Variants in TOP1MT observed in about 807,000 individuals in gnomAD.
TOP1MT encodes the protein DNA topoisomerase I mitochondrial, also known as DNA topoisomerase I, mitochondrial.
TOP1MT carries 80 observed loss-of-function variants against 73.9 expected under a neutral mutation model. The observed-to-expected ratio is 1.08, with a 90% CI of 0.90 to 1.30. The LOEUF is 1.30. Among genes scored for constraint, TOP1MT ranks in the 50% most tolerant of loss-of-function variants. The pLI, the probability that TOP1MT is intolerant of heterozygous loss-of-function variation, is 0.00. For synonymous variants in TOP1MT, 338 were observed against 326.4 expected (o/e 1.04, Z -0.38); for missense variants, 815 against 808.0 (o/e 1.01, Z -0.10).
Position 143,317,718 on chromosome 8 carries a change from C to T in TOP1MT, c.1330+5G>A. ...GCGCTGAGTGTGGGTGTGGGGCAGGCTCACCGCGCGTCAGGGCCCGCAGCT... is the reference window on the plus strand; with the variant it reads ...GCGCTGAGTGTGGGTGTGGGGCAGGTTCACCGCGCGTCAGGGCCCGCAGCT... On this transcript the variant is annotated splice_donor_5th_base_variant and intron_variant, in intron 10 of 13. Coordinates refer to ENST00000329245, the MANE Select transcript of TOP1MT (RefSeq NM_052963.3). The T allele has an allele frequency of 6.2e-7, 1 of 1,612,416 alleles. No homozygotes were observed. The highest frequency in any genetic ancestry group is 1.3e-5 in the African/African-American group (1 of 75,020).
intron 1 of TOP1MT, among the ~76,000 whole-genome samples, chr8:143,333,036 G>A (rs2130343700): frequency 6.6e-6 from 1 of 152,352 alleles, no homozygotes; most frequent in South Asian, 2.1e-4. Context: ...GGGCTGGTAG[G>A]AGGCTGCACC....
upstream of TOP1MT, among the ~76,000 whole-genome samples, chr8:143,358,421 G>A (rs1248352900): frequency 6.6e-6 from 1 of 152,134 alleles, no homozygotes; most frequent in Non-Finnish European, 1.5e-5. Context: ...AGGACCTACA[G>A]CCCAGACAGC....
upstream of TOP1MT, among the ~76,000 whole-genome samples, chr8:143,335,731 C>G (rs931203897): frequency 3.9e-5 from 6 of 152,252 alleles, no homozygotes; most frequent in Non-Finnish European, 8.8e-5. Flanking sequence ...ACATGCATTC[C>G]GCACTTTCAC....
intron 1 of TOP1MT, among the ~76,000 whole-genome samples, chr8:143,354,471 G>GGGAGGCCC (rs1817373480): frequency 1.3e-5 from 2 of 151,588 alleles, no homozygotes; most frequent in Admixed American, 1.3e-4. Context: ...CCAGCACTAT[G>GGGAGGCCC]GGAGGCTGAG....
intron 7 of TOP1MT, among the ~76,000 whole-genome samples, chr8:143,322,080 A>G (rs1224533973): frequency 1.7e-5 from 2 of 118,650 alleles, no homozygotes; most frequent in African/African-American, 6.7e-5. Context: ...CGCACGCCAC[A>G]CACAGGCATG....
At chr8:143,338,621 T>C (rs1399970012), upstream of TOP1MT, among the ~76,000 whole-genome samples, 2 of 152,174 alleles carry the variant, frequency 1.3e-5, no homozygotes, top group African/African-American at 4.8e-5. Flanking sequence ...AAATAGACAT[T>C]TCTCCAAAGA....
rs753933340 is a variant in TOP1MT at position 143,318,051 on chromosome 8, C to T, written c.1182G>A (p.Lys394=). Residue 394 remains lysine (K), a synonymous_variant, in exon 9 of 14, where the codon AAG becomes AAA. Coordinates refer to ENST00000329245, the MANE Select transcript of TOP1MT (RefSeq NM_052963.3). ...TGTCGAAGAGGTCGTCCCGGGGGTCCTTGTTCTCCATAAAGAGCTGTAAGT... is the reference window on the plus strand; with the variant it reads ...TGTCGAAGAGGTCGTCCCGGGGGTCTTTGTTCTCCATAAAGAGCTGTAAGT... The part of the protein sequence containing the change: ...YKNLQLFMEN[K]DPRDDLFDRL... 13 of 1,614,156 alleles carry T rather than the reference C, an allele frequency of 8.1e-6. No homozygotes were observed. The South Asian group carries it at 8.8e-5, about 11-fold the overall frequency.
At chr8:143,332,388 G>C (rs1816881617) in intron 1 of TOP1MT, 37 of 912,594 alleles carry the variant, frequency 4.1e-5, no homozygotes, top group Non-Finnish European at 5.5e-5. Flanking sequence ...TTTGGCGAGA[G>C]GGTGGGAGCA....
chr8:143,350,754 C>T (rs1004307815), intron 1 of TOP1MT, among the ~76,000 whole-genome samples: 9 of 152,260 alleles, frequency 5.9e-5, no homozygotes, highest in Non-Finnish European at 1.0e-4. Context: ...AAGTCCAATG[C>T]ATCTGAACAG....
rs1026212291 is a variant in TOP1MT at position 143,341,193 on chromosome 8, T to A, written c.29+2027A>T. Among the ~76,000 whole-genome samples, 8 of 152,208 alleles carry A rather than the reference T, an allele frequency of 5.3e-5. No homozygotes were observed. Among genetic ancestry groups the A allele is most frequent in the African/African-American group, 1.9e-4 (8 of 41,514 alleles). ...TCCCCACACGTTTGTCCTGAAGCCC[T>A]TTCTCCCCTTTCTCTTCGGATATTC... On this transcript the variant is annotated intron_variant, in intron 2 of 5. Coordinates refer to the TOP1MT transcript ENST00000518007. This position sits in a 1 kb window ranked among gnomAD's most constrained non-coding sequence, Gnocchi z 4.1.
rs1234912472 is a variant in TOP1MT at position 143,334,845 on chromosome 8, A to G, written c.17T>C (p.Leu6Pro). 2.0e-6 allele frequency: 3 copies of G among 1,498,570 alleles called. No homozygotes were observed. Among genetic ancestry groups the G allele is most frequent in the Non-Finnish European group, 2.6e-6 (3 of 1,141,146 alleles). 92.8% of individuals were successfully genotyped at this position (1,498,570 alleles called of 1,614,324 possible). Residue 6 changes from leucine (L) to proline (P), a missense_variant, in exon 1 of 14, where the codon CTG becomes CCG. By Grantham distance (98) the Leu-to-Pro change is moderately conservative. Around this residue, in one of 3 missense-constraint regions of TOP1MT, gnomAD observed 60 missense variants for 65.9 expected, o/e 0.91. Transcript: ENST00000329245. MRVVRLLRLRAALTLL... is the reference protein window; with the variant it reads MRVVRPLRLRAALTLL... The stretch of plus-strand genomic sequence containing the variant: ...CGTCAGAGCCGCCCGGAGCCGCAGC[A>G]GCCGCACCACGCGCATCTGCCAGCC...
At chr8:143,358,718 GTT>G (rs1817452999), upstream of TOP1MT, 12 of 152,148 alleles carry the variant, frequency 7.9e-5, no homozygotes, top group Non-Finnish European at 1.6e-4. Context: ...CAGCAGGACC[GTT>G]CCACAGAGGT....
intron 7 of TOP1MT, among the ~76,000 whole-genome samples, chr8:143,323,250 G>C (rs181351218): frequency 2.8e-4 from 8 of 28,284 alleles, no homozygotes; most frequent in Admixed American, 1.0e-3. Context: ...CACACACACA[G>C]GCACGCCACA....
At chr8:143,331,842 C>T (rs772544167) in intron 1 of TOP1MT, 14 of 156,952 alleles carry the variant, frequency 8.9e-5, no homozygotes, top group South Asian at 3.7e-4. Flanking sequence ...GCAGGACCGC[C>T]GCCCACAGAG....
chr8:143,333,168 C>A (rs988687011), intron 1 of TOP1MT, among the ~76,000 whole-genome samples: 3 of 152,052 alleles, frequency 2.0e-5, no homozygotes, highest in African/African-American at 7.2e-5. Context: ...TGATAGGAGC[C>A]AGGCGCGGTG....
intron 7 of TOP1MT, among the ~76,000 whole-genome samples, chr8:143,321,608 ACGCACGCCACACG>A (rs1816374173): frequency 8.3e-6 from 1 of 120,278 alleles, no homozygotes; most frequent in South Asian, 2.8e-4. Context: ...CGCCACACGC[ACGCACGCCACACG>A]CACGCCACAC....
Position 143,344,808 on chromosome 8 carries a change from A to C in TOP1MT, c.-39+108T>G, listed in dbSNP as rs1248709840. 1 of 152,436 alleles carries C rather than the reference A, an allele frequency of 6.6e-6. No homozygotes were observed. Among genetic ancestry groups the C allele is most frequent in the Non-Finnish European group, 1.5e-5 (1 of 68,216 alleles). 9.4% of individuals were successfully genotyped at this position (152,436 alleles called of 1,614,324 possible). A position where few individuals can be genotyped will look rare whatever the true frequency, so the allele number is the denominator to read the frequency against. The stretch of plus-strand genomic sequence containing the variant: ...CTAAGGGTGATTAACTGGCAAGGAC[A>C]CCAAACAGCGGAGGAGGAGGGACCT... On this transcript the variant is annotated intron_variant, in intron 1 of 5. Transcript: ENST00000518007. This position sits in a 1 kb window ranked among gnomAD's most constrained non-coding sequence, Gnocchi z 4.6.
intron 13 of TOP1MT, 46 bp downstream of exon 13, chr8:143,310,022 C>T: frequency 1.2e-6 from 2 of 1,602,026 alleles, no homozygotes; most frequent in Non-Finnish European, 1.7e-6. Flanking sequence ...AAAACCCAGG[C>T]CCCCCATAGG....
At chr8:143,321,978 C>T (rs1213077027) in intron 7 of TOP1MT, among the ~76,000 whole-genome samples, 1 of 74,814 alleles carries the variant, frequency 1.3e-5, no homozygotes, top group Non-Finnish European at 2.8e-5. Context: ...GCTCACCACA[C>T]GCACGCCACA....
Sources: gnomAD v4.1 joint callset for allele counts (sites outside exome capture counted in the v4.1 genomes callset) on GRCh38, gnomAD v4.1.1 for gene constraint, gnomAD v4.1.1 regional missense constraint, Gnocchi (gnomAD v3.1) non-coding constraint, MANE v1.5 for transcripts, NCBI Gene and HGNC (gene_info 2026-07-23, HGNC 2026-07-21) for gene names.